The following NEDD9 variants were observed in gnomAD, a reference collection of about 807,000 sequenced individuals.
NEDD9 encodes neural precursor cell expressed, developmentally down-regulated 9.
NEDD9 carries 26 observed loss-of-function variants against 76.6 expected under a neutral mutation model. That is an observed-to-expected ratio of 0.34 (90% CI 0.25 to 0.47). NEDD9 has a LOEUF of 0.47. Ranked by LOEUF, NEDD9 falls within the 20% of genes least tolerant of loss-of-function variation. The pLI, the probability that NEDD9 is intolerant of heterozygous loss-of-function variation, is 1.00. For synonymous variants in NEDD9, 392 were observed against 414.2 expected (o/e 0.95, Z 0.65); for missense variants, 937 against 1,058.5 (o/e 0.89, Z 1.59).
chr6:11,303,496 C>T (rs983387256), intron 3 of NEDD9, among the ~76,000 whole-genome samples: 5 of 151,570 alleles, frequency 3.3e-5, no homozygotes, highest in Admixed American at 6.6e-5. Context: ...ACTTTCTTTA[C>T]GTAATTGGAA....
chr6:11,340,189 C>T (rs993226590), intron 1 of NEDD9, among the ~76,000 whole-genome samples: 2 of 152,190 alleles, frequency 1.3e-5, no homozygotes, highest in African/African-American at 2.4e-5. Flanking sequence ...GAGCTGACAG[C>T]ATGGACCTCT....
intron 2 of NEDD9, among the ~76,000 whole-genome samples, chr6:11,306,458 G>C (rs1374788981): frequency 6.6e-6 from 1 of 152,194 alleles, no homozygotes. Flanking sequence ...AATGTGCAGT[G>C]GGTCTGGTGA....
chr6:11,375,917 C>T (rs969333951), intron 1 of NEDD9, among the ~76,000 whole-genome samples: 12 of 152,130 alleles, frequency 7.9e-5, no homozygotes, highest in Non-Finnish European at 1.2e-4. Flanking sequence ...CTCCGCCTCC[C>T]GGGTTCATGC....
At chr6:11,280,350 C>G (rs963462624) in intron 3 of NEDD9, among the ~76,000 whole-genome samples, 2 of 152,174 alleles carry the variant, frequency 1.3e-5, no homozygotes, top group African/African-American at 4.8e-5. Flanking sequence ...GGCTGTTGTC[C>G]TCTATCTAAA....
chr6:11,259,227 T>A (rs1018700998), intron 3 of NEDD9: 12 of 152,158 alleles, frequency 7.9e-5, no homozygotes, highest in Non-Finnish European at 1.8e-4. Flanking sequence ...TATCTTGGAG[T>A]GTACCCTCCA....
chr6:11,317,338 AAGG>A (rs1206863387), intron 2 of NEDD9, among the ~76,000 whole-genome samples: 1 of 151,782 alleles, frequency 6.6e-6, no homozygotes, highest in Non-Finnish European at 1.5e-5. Context: ...GAGGCTGAGG[AAGG>A]AGAATTGCTT....
intron 3 of NEDD9, 131 bp downstream of exon 3, chr6:11,193,460 T>G (rs1581946079): frequency 1.2e-4 from 65 of 560,136 alleles, no homozygotes; most frequent in South Asian, 9.6e-5. Flanking sequence ...GGCTACTGGG[T>G]AGACAACCTA....
At chr6:11,293,407 T>C (rs1760821081) in intron 3 of NEDD9, among the ~76,000 whole-genome samples, 1 of 152,214 alleles carries the variant, frequency 6.6e-6, no homozygotes, top group African/African-American at 2.4e-5. Flanking sequence ...TTTCGAGTTT[T>C]TAATATGTTA....
rs1264027490 is a variant in NEDD9, at chr6:11,305,199, G to A, written c.12+793C>T. 7 of 1,201,056 alleles carry A rather than the reference G, an allele frequency of 5.8e-6. No homozygotes were observed. The East Asian group carries it at 4.0e-4, about 68-fold the overall frequency. 74.4% of individuals were successfully genotyped at this position (1,201,056 alleles called of 1,614,324 possible). On this transcript the variant is annotated intron_variant, in intron 3 of 3. Transcript: ENST00000397378. ...ACAGTTGATCGATCTCAATAGATAA[G>A]GGAATTTACCTTTTTTCATTTTGAG...
intron 3 of NEDD9, among the ~76,000 whole-genome samples, chr6:11,244,895 T>C (rs1269872382): frequency 6.6e-6 from 1 of 152,208 alleles, no homozygotes; most frequent in Non-Finnish European, 1.5e-5. Flanking sequence ...AGTCTACTCT[T>C]AGACAACTCA....
chr6:11,187,920 T>C (rs2236348), intron 6 of NEDD9, among the ~76,000 whole-genome samples: 42,009 of 152,180 alleles, frequency 0.28, 6,774 homozygotes, highest in East Asian at 0.64. Flanking sequence ...TTAGGCTAGC[T>C]TGAATGGGTC....
In NEDD9 at chr6:11,204,522, C is replaced by A. The variant is rs186446465; in HGVS notation, c.459+8759G>T. Among the ~76,000 whole-genome samples the A allele has an allele frequency of 3.7e-3, 557 of 152,088 alleles. 4 individuals carry two copies. Among genetic ancestry groups the A allele is most frequent in the Non-Finnish European group, 5.8e-3 (392 of 67,992 alleles). On this transcript the variant is annotated intron_variant, in intron 2 of 6. Coordinates refer to ENST00000379446, the MANE Select transcript of NEDD9 (RefSeq NM_006403.4). Reference sequence around the variant, plus strand: ...AGATCACGAGGTCAGGAGTTTGAGACCAGCCTTGCCAACGTAGTGAAACTT... The same window carrying A: ...AGATCACGAGGTCAGGAGTTTGAGAACAGCCTTGCCAACGTAGTGAAACTT...
chr6:11,327,689 C>G (rs756056852), intron 2 of NEDD9, among the ~76,000 whole-genome samples: 1 of 152,208 alleles, frequency 6.6e-6, no homozygotes, highest in Non-Finnish European at 1.5e-5. Flanking sequence ...AAGTCAGAAG[C>G]TGCCGTCCAT....
chr6:11,357,814 G>A (rs1052612621), intron 1 of NEDD9, among the ~76,000 whole-genome samples: 2 of 152,182 alleles, frequency 1.3e-5, no homozygotes, highest in African/African-American at 4.8e-5. Flanking sequence ...TTATGGAGAA[G>A]TAATCTTTTC....
intron 1 of NEDD9, among the ~76,000 whole-genome samples, chr6:11,354,516 TG>T (rs2113540377): frequency 6.6e-6 from 1 of 152,034 alleles, no homozygotes; most frequent in South Asian, 2.1e-4. Flanking sequence ...CTCAGCAGAG[TG>T]GGGATAGAGG....
intron 3 of NEDD9, among the ~76,000 whole-genome samples, chr6:11,292,700 T>C (rs1357772054): frequency 6.6e-6 from 1 of 152,212 alleles, no homozygotes; most frequent in Non-Finnish European, 1.5e-5. Flanking sequence ...GATTTATGCA[T>C]GTTTTAGTTT....
At chr6:11,308,621 A>G (rs1328785381) in intron 2 of NEDD9, among the ~76,000 whole-genome samples, 2 of 152,030 alleles carry the variant, frequency 1.3e-5, no homozygotes, top group Non-Finnish European at 2.9e-5. Context: ...CGCCCACCTC[A>G]GCCTCCCAAA....
chr6:11,238,422 C>T lies in NEDD9; in HGVS notation c.13-24695G>A, dbSNP rs547529815. Among the ~76,000 whole-genome samples, 168 of 152,308 alleles carry T rather than the reference C, an allele frequency of 1.1e-3. 3 individuals carry two copies. Among genetic ancestry groups the T allele is most frequent in the African/African-American group, 3.8e-3 (157 of 41,544 alleles). On this transcript the variant is annotated intron_variant, in intron 3 of 3. Transcript: ENST00000397378. Reference sequence around the variant, plus strand: ...TTCGTTATCTGAGCACATGTTTGTCCGCTCAATAAGGTCGAGTCTCCACCC... The same window carrying T: ...TTCGTTATCTGAGCACATGTTTGTCTGCTCAATAAGGTCGAGTCTCCACCC...
chr6:11,341,845 G>A lies in NEDD9; in HGVS notation c.-213-7284C>T, dbSNP rs188163113. 8.9e-4 allele frequency among the ~76,000 whole-genome samples: 135 copies of A among 152,078 alleles called. 1 individual carries two copies. Among genetic ancestry groups the A allele is most frequent in the Non-Finnish European group, 1.6e-3 (108 of 67,972 alleles). ...TCCATAGTAAAAAATGAAAGCAAAG[G>A]AACTATTCTAAGATGGACCAAATGT... On this transcript the variant is annotated intron_variant, in intron 1 of 3. Coordinates refer to the NEDD9 transcript ENST00000397378.
Sources: gnomAD v4.1 joint callset for allele counts (sites outside exome capture counted in the v4.1 genomes callset) on GRCh38, gnomAD v4.1.1 for gene constraint, MANE v1.5 for transcripts, NCBI Gene and HGNC (gene_info 2026-07-23, HGNC 2026-07-21) for gene names.